CCSER1: variants seen among roughly 807,000 people sequenced by gnomAD.
The protein encoded by CCSER1 is coiled-coil serine rich protein 1, also known as serine-rich coiled-coil domain-containing protein 1.
A neutral mutation model predicts 82.0 loss-of-function variants in CCSER1; 41 were observed. The observed-to-expected ratio is 0.50, with a 90% CI of 0.39 to 0.65. The LOEUF (loss-of-function observed/expected upper bound fraction) is 0.65. Ranked by LOEUF, CCSER1 falls within the 30% of genes least tolerant of loss-of-function variation. The pLI, the probability that CCSER1 is intolerant of heterozygous loss-of-function variation, is 0.00. For synonymous variants in CCSER1, 414 were observed against 383.9 expected (o/e 1.08, Z -0.92); for missense variants, 1,119 against 1,064.2 (o/e 1.05, Z -0.72).
intron 10 of CCSER1, among the ~76,000 whole-genome samples, chr4:91,237,487 G>T (rs1739107010): frequency 1.3e-5 from 2 of 151,592 alleles, no homozygotes; most frequent in South Asian, 4.2e-4. Flanking sequence ...TCAAAATCAG[G>T]CAAAAAGAGC....
At chr4:90,588,258 C>T (rs12643874) in intron 5 of CCSER1, among the ~76,000 whole-genome samples, 55,018 of 151,940 alleles carry the variant, frequency 0.36, 10,888 homozygotes, top group African/African-American at 0.51. Flanking sequence ...AGCATTTAAC[C>T]GACACTTGAA....
intron 1 of CCSER1, among the ~76,000 whole-genome samples, chr4:90,180,605 T>C (rs1005955601): frequency 6.6e-6 from 1 of 151,858 alleles, no homozygotes; most frequent in Non-Finnish European, 1.5e-5. Flanking sequence ...AAAAAATTTG[T>C]TTATCTCCTG....
intron 7 of CCSER1, among the ~76,000 whole-genome samples, chr4:90,762,291 C>T (rs751374811): frequency 8.5e-5 from 13 of 152,110 alleles, no homozygotes; most frequent in Admixed American, 3.3e-4. Flanking sequence ...TGAAGAAGTA[C>T]GTGTTTGCTT....
chr4:90,500,845 T>C (rs1166135520), intron 5 of CCSER1, among the ~76,000 whole-genome samples: 3 of 152,130 alleles, frequency 2.0e-5, no homozygotes, highest in Non-Finnish European at 4.4e-5. Flanking sequence ...ACAGTAGCCC[T>C]GCATTGCTTC....
chr4:90,479,144 T>C (rs1291493793), intron 5 of CCSER1, among the ~76,000 whole-genome samples: 1 of 152,116 alleles, frequency 6.6e-6, no homozygotes, highest in Non-Finnish European at 1.5e-5. Context: ...TTTTGTAATC[T>C]AAAAAATATG....
intron 6 of CCSER1, among the ~76,000 whole-genome samples, chr4:90,691,545 G>C (rs1021251577): frequency 7.3e-6 from 1 of 136,822 alleles, no homozygotes; most frequent in Non-Finnish European, 1.6e-5. Flanking sequence ...TAATACATGT[G>C]TACATATCAC....
chr4:90,706,481 CAAAT>C (rs1019761786), intron 6 of CCSER1, among the ~76,000 whole-genome samples: 2 of 152,036 alleles, frequency 1.3e-5, no homozygotes, highest in Admixed American at 6.6e-5. Flanking sequence ...AAGATTAAAA[CAAAT>C]AAAACCACAA....
chr4:90,213,950 T>C (rs974037315), intron 1 of CCSER1, among the ~76,000 whole-genome samples: 1 of 152,158 alleles, frequency 6.6e-6, no homozygotes, highest in South Asian at 2.1e-4. Context: ...AAAGAGAGAA[T>C]AGAATAAGTC....
chr4:91,573,311 A>C (rs543768897), intron 10 of CCSER1, among the ~76,000 whole-genome samples: 68 of 152,268 alleles, frequency 4.5e-4, no homozygotes, highest in African/African-American at 1.4e-3. Flanking sequence ...AGTGGGTCTT[A>C]TCTTGTGAGA....
intron 10 of CCSER1, among the ~76,000 whole-genome samples, chr4:91,343,174 A>G (rs994268762): frequency 6.6e-6 from 1 of 152,020 alleles, no homozygotes; most frequent in African/African-American, 2.4e-5. Flanking sequence ...TTTTTGCCCA[A>G]TTTCTTCTGA....
chr4:91,165,032 A>C (rs1224836115), intron 10 of CCSER1, among the ~76,000 whole-genome samples: 1 of 152,128 alleles, frequency 6.6e-6, no homozygotes, highest in Non-Finnish European at 1.5e-5. Flanking sequence ...TAGAATTTTC[A>C]GCTTTTCTGC....
chr4:90,403,498 CAAAAAAAAAAAAAA>C (rs753570201), intron 4 of CCSER1, among the ~76,000 whole-genome samples: 2 of 46,018 alleles, frequency 4.3e-5, no homozygotes, highest in African/African-American at 2.0e-4. Flanking sequence ...GACTCCGTCT[CAAAAAAAAAAAAAA>C]AAAAAAAAGA....
chr4:91,486,448 A>T (rs1758225663), intron 10 of CCSER1, among the ~76,000 whole-genome samples: 2 of 152,058 alleles, frequency 1.3e-5, no homozygotes, highest in African/African-American at 2.4e-5. Context: ...TATTTCAGAT[A>T]CTAATTACTA....
chr4:90,932,977 AG>A lies in CCSER1; in HGVS notation c.2172+9531del, dbSNP rs1730208959. Among the ~76,000 whole-genome samples, 2 of 41,072 alleles carry A rather than the reference AG, an allele frequency of 4.9e-5. 1 individual carries two copies. Among genetic ancestry groups the A allele is most frequent in the African/African-American group, 3.6e-4 (2 of 5,538 alleles). The allele number at this position is 41,072 out of a possible 152,430, so 26.9% of individuals were successfully genotyped here. A position where few individuals can be genotyped will look rare whatever the true frequency, so the allele number is the denominator to read the frequency against. On this transcript the variant is annotated intron_variant, in intron 9 of 10. Coordinates refer to ENST00000509176, the MANE Select transcript of CCSER1 (RefSeq NM_001145065.2). The stretch of plus-strand genomic sequence containing the variant: ...AAGAAAGAAAGAAAGAAAGAAAGAA[AG>A]AAAGAGAAAGAAAGAAAGAAAGAAA...
intron 10 of CCSER1, among the ~76,000 whole-genome samples, chr4:91,394,209 G>A (rs955025341): frequency 2.0e-5 from 3 of 151,906 alleles, no homozygotes; most frequent in Admixed American, 2.0e-4. Flanking sequence ...AGGGTTTTCA[G>A]AGGAAAAAAC....
At chr4:91,162,312 G>T (rs1008399512) in intron 10 of CCSER1, among the ~76,000 whole-genome samples, 1 of 152,188 alleles carries the variant, frequency 6.6e-6, no homozygotes, top group Non-Finnish European at 1.5e-5. Context: ...GCTTTTAGAT[G>T]TGCTGCCTGA....
intron 7 of CCSER1, among the ~76,000 whole-genome samples, chr4:90,739,727 A>G (rs867023893): frequency 1.5e-4 from 23 of 152,140 alleles, no homozygotes; most frequent in Middle Eastern, 6.8e-3. Context: ...GTCACTTTCC[A>G]CTGTGACCAG....
intron 10 of CCSER1, among the ~76,000 whole-genome samples, chr4:91,366,457 C>T (rs1198560568): frequency 6.6e-6 from 1 of 152,182 alleles, no homozygotes; most frequent in East Asian, 1.9e-4. Flanking sequence ...TATTATCACA[C>T]AAAAATAGTC....
chr4:90,417,212 T>A (rs1013530415), intron 4 of CCSER1, among the ~76,000 whole-genome samples: 4 of 152,108 alleles, frequency 2.6e-5, no homozygotes, highest in Non-Finnish European at 4.4e-5. Flanking sequence ...ACTTAAAGTA[T>A]AATAAATATA....
Sources: allele counts gnomAD v4.1 joint callset (sites outside exome capture counted in the v4.1 genomes callset), GRCh38; gene constraint gnomAD v4.1.1; transcripts MANE v1.5; gene names NCBI Gene and HGNC (gene_info 2026-07-23, HGNC 2026-07-21).